Variants in FLRT1 observed in about 807,000 individuals in gnomAD.
The protein encoded by FLRT1 is leucine-rich repeat transmembrane protein FLRT1.
Under a neutral mutation model 30.9 loss-of-function variants are expected in FLRT1, and 14 were observed. That is an observed-to-expected ratio of 0.45 (90% CI 0.30 to 0.71). FLRT1 has a LOEUF of 0.71. FLRT1 is among the 30% of genes least tolerant of loss of function. The probability of loss-of-function intolerance (pLI) is 0.08; values close to 1 mark genes in which losing one functional copy is unlikely to be tolerated. For missense variants in FLRT1, 737 were observed against 949.2 expected, an observed-to-expected ratio of 0.78 and a Z score of 2.94; for synonymous variants, 368 against 430.4, an observed-to-expected ratio of 0.85 and a Z score of 1.80.
At chr11:64,086,170 C>CA (rs1401244825) in intron 1 of FLRT1, among the ~76,000 whole-genome samples, 1 of 152,176 alleles carries the variant, frequency 6.6e-6, no homozygotes, top group Non-Finnish European at 1.5e-5. Flanking sequence ...AGCCGGGACT[C>CA]AACAGTGGGA....
At position 64,117,102 on chromosome 11, in the gene FLRT1, G is replaced by A; in HGVS notation, c.835G>A (p.Asp279Asn). The change falls in exon 3 of 3, where the codon GAC becomes AAC. Residue 279 changes from aspartate (D) to asparagine (N), a missense_variant. Transcript: ENST00000682287. The stretch of plus-strand genomic sequence containing the variant: ...CCACCTGCAGAAGCTCTACCTGCAG[G>A]ACAATGCCATCAGCCACATCCCCTA... ...SAHLQKLYLQ[D>N]NAISHIPYNT... 1 of 1,606,376 alleles carries A rather than the reference G, an allele frequency of 6.2e-7. No individual in the cohort carries two copies. The highest frequency in any genetic ancestry group is 8.5e-7 in the Non-Finnish European group (1 of 1,176,544).
intron 1 of FLRT1, among the ~76,000 whole-genome samples, chr11:64,056,253 G>A (rs1381244832): frequency 1.3e-5 from 2 of 152,060 alleles, no homozygotes; most frequent in African/African-American, 4.8e-5. Flanking sequence ...CATGGGAGAG[G>A]CTGAGGGAGC....
At chr11:64,049,402 C>T (rs1030877103) in intron 1 of FLRT1, among the ~76,000 whole-genome samples, 4 of 152,170 alleles carry the variant, frequency 2.6e-5, no homozygotes, top group African/African-American at 7.2e-5. Flanking sequence ...CAGCAGGCCC[C>T]CTGAGCACTT....
At chr11:64,045,529 GCCTC>G (rs1943568360) in intron 1 of FLRT1, among the ~76,000 whole-genome samples, 1 of 152,152 alleles carries the variant, frequency 6.6e-6, no homozygotes, top group Admixed American at 6.5e-5. Context: ...CCCTATCCCA[GCCTC>G]TGGGTCACTT....
Position 64,064,668 on chromosome 11 carries a change from A to G in FLRT1, c.-1038+28509A>G, listed in dbSNP as rs557323907. Among the ~76,000 whole-genome samples the G allele has an allele frequency of 1.4e-4, 20 of 138,946 alleles. No individual in the cohort carries two copies. The highest frequency in any genetic ancestry group is 4.4e-4 in the African/African-American group (15 of 34,128). The allele number at this position is 138,946 out of a possible 152,430, so 91.2% of individuals were successfully genotyped here. ...AGTAGGGGCCTCTGGCAGGACATTA[A>G]ACGGCACCGAGATAGAAGGAGGGGG... On this transcript the variant is annotated intron_variant, in intron 1 of 2. Coordinates refer to ENST00000682287, the MANE Select transcript of FLRT1 (RefSeq NM_013280.5). The surrounding 1 kb of genome is among the most constrained non-coding windows in gnomAD (Gnocchi z 4.5).
In FLRT1 at chr11:64,064,739, G is replaced by A. The variant is rs982969562; in HGVS notation, c.-1038+28580G>A. Among the ~76,000 whole-genome samples, 2 of 151,118 alleles carry A rather than the reference G, an allele frequency of 1.3e-5. No homozygotes were observed. The highest frequency in any genetic ancestry group is 3.0e-5 in the Non-Finnish European group (2 of 67,754). ...TCCCCTCCCTGCCAGCCCCCCAGCA[G>A]GCAGCCAGGCCTGGACCCACCATCC... On this transcript the variant is annotated intron_variant, in intron 1 of 2. Transcript: ENST00000682287. This position sits in a 1 kb window ranked among gnomAD's most constrained non-coding sequence, Gnocchi z 4.5.
In FLRT1 at chr11:64,067,498, C is replaced by T. The variant is rs1414135606; in HGVS notation, c.-1038+31339C>T. ...CAGAAGGGAGGAGATAGGTCGGGGA[C>T]GGGGACAGACGGCACCTCCCCAACT... is the stretch of plus-strand genomic sequence containing the variant. On this transcript the variant is annotated intron_variant, in intron 1 of 2. Coordinates refer to ENST00000682287, the MANE Select transcript of FLRT1 (RefSeq NM_013280.5). The surrounding 1 kb of genome is among the most constrained non-coding windows in gnomAD (Gnocchi z 4.6). 1.3e-5 allele frequency among the ~76,000 whole-genome samples: 2 copies of T among 152,038 alleles called. No homozygotes were observed. The highest frequency in any genetic ancestry group is 1.9e-4 in the East Asian group (1 of 5,172).
Sources: gnomAD v4.1 joint callset for allele counts (sites outside exome capture counted in the v4.1 genomes callset) on GRCh38, gnomAD v4.1.1 for gene constraint, Gnocchi (gnomAD v3.1) non-coding constraint, MANE v1.5 for transcripts, NCBI Gene and HGNC (gene_info 2026-07-23, HGNC 2026-07-21) for gene names.